FAT4: variants seen among roughly 807,000 people sequenced by gnomAD.
FAT4 encodes the protein FAT atypical cadherin 4, also known as protocadherin Fat 4.
In FAT4, 84 loss-of-function variants were observed where a neutral mutation model predicts 303.9. The observed-to-expected ratio is 0.28, with a 90% CI of 0.23 to 0.33. The LOEUF (loss-of-function observed/expected upper bound fraction) is 0.33, where lower values mean the gene tolerates loss of function less well. Among genes scored for constraint, FAT4 ranks in the 10% least tolerant of loss-of-function variants. The pLI is 1.00. For synonymous variants in FAT4, 2,307 were observed against 2,298.8 expected (o/e 1.00, Z -0.10); for missense variants, 6,005 against 6,146.8 (o/e 0.98, Z 0.77).
Position 125,448,785 on chromosome 4 carries a change from C to A in FAT4, c.7775C>A (p.Thr2592Lys). 4 of 1,611,388 alleles carry A rather than the reference C, an allele frequency of 2.5e-6. No homozygotes were observed. Among genetic ancestry groups the A allele is most frequent in the Non-Finnish European group, 3.4e-6 (4 of 1,179,850 alleles). The part of the protein sequence containing the change: ...QPVSSLVTTI[T>K]GSSLRGEPMS... Reference sequence around the variant, plus strand: ...GTCAGCTCTCTTGTCACCACCATCACAGGATCCTCTTTAAGAGGAGAACCT... The same window carrying A: ...GTCAGCTCTCTTGTCACCACCATCAAAGGATCCTCTTTAAGAGGAGAACCT... Residue 2592 changes from threonine (T) to lysine (K), a missense_variant, in exon 10 of 18, where the codon ACA (threonine) becomes AAA (lysine). By Grantham distance (78) the Thr-to-Lys change is moderately conservative. Coordinates refer to ENST00000394329, the MANE Select transcript of FAT4 (RefSeq NM_001291303.3).
intron 17 of FAT4, among the ~76,000 whole-genome samples, chr4:125,487,928 T>C (rs140798873): frequency 6.9e-4 from 105 of 152,360 alleles, no homozygotes; most frequent in Non-Finnish European, 1.3e-3. Context: ...GCATTTCATA[T>C]ACATTTGTTC....
chr4:125,331,115 T>C (rs4833322), intron 2 of FAT4, among the ~76,000 whole-genome samples: 76,510 of 151,676 alleles, frequency 0.5, 20,068 homozygotes, highest in Non-Finnish European at 0.59. Context: ...TTCTGCTTTT[T>C]TCTTATCATC....
chr4:125,345,970 CT>C (rs910874504), intron 2 of FAT4, among the ~76,000 whole-genome samples: 6 of 151,118 alleles, frequency 4.0e-5, no homozygotes, highest in East Asian at 1.9e-4. Context: ...TCCTCCCCCT[CT>C]TTTTTTTTAT....
At position 125,315,625 on chromosome 4, in the gene FAT4, C is replaced by G. The variant is rs888093342; in HGVS notation, c.-365C>G. Among the ~76,000 whole-genome samples, 1 of 152,200 alleles carries G rather than the reference C, an allele frequency of 6.6e-6. No homozygotes were observed. The highest frequency in any genetic ancestry group is 6.5e-5 in the Admixed American group (1 of 15,294). ...GAGGAGCCCTGGCTGTTGTTTGTGC[C>G]GGACCACGGGCTTGAAGCCGCAACA... On this transcript the variant is annotated 5_prime_UTR_variant, in exon 1 of 18. Coordinates refer to ENST00000394329, the MANE Select transcript of FAT4 (RefSeq NM_001291303.3).
At chr4:125,380,283 G>A (rs1367457054) in intron 2 of FAT4, among the ~76,000 whole-genome samples, 1 of 152,178 alleles carries the variant, frequency 6.6e-6, no homozygotes, top group Admixed American at 6.5e-5. Context: ...TGGGAAAATG[G>A]TTGAATCAAT....
chr4:125,319,532 G>A lies in FAT4; in HGVS notation c.3121G>A (p.Gly1041Arg). Reference sequence around the variant, plus strand: ...ATACACCATTGCTGAAGGAAATACAGGGGATGCTTTTGGCATATTCCCAGA... The same window carrying A: ...ATACACCATTGCTGAAGGAAATACAAGGGATGCTTTTGGCATATTCCCAGA... ...IAYTIAEGNT[G>R]DAFGIFPDGQ... Residue 1041 changes from glycine (G) to arginine (R), a missense_variant, in exon 2 of 18, where the codon GGG (glycine) becomes AGG (arginine). Physicochemically the swap from Gly to Arg is moderately radical, Grantham distance 125 (BLOSUM62 -2). Coordinates refer to ENST00000394329, the MANE Select transcript of FAT4 (RefSeq NM_001291303.3). 1 of 1,614,154 alleles carries A rather than the reference G, an allele frequency of 6.2e-7. No individual in the cohort carries two copies. The highest frequency in any genetic ancestry group is 8.5e-7 in the Non-Finnish European group (1 of 1,180,006).
In FAT4 at chr4:125,491,055, T is replaced by C; in HGVS notation, c.14239T>C (p.Tyr4747His). 1 of 1,614,216 alleles carries C rather than the reference T, an allele frequency of 6.2e-7. No homozygotes were observed. The highest frequency in any genetic ancestry group is 8.5e-7 in the Non-Finnish European group (1 of 1,180,036). The change falls in exon 18 of 18, where the codon TAT becomes CAT. Residue 4747 changes from tyrosine to histidine, a missense_variant. By Grantham distance (83) the Tyr-to-His change is moderately conservative. Transcript: ENST00000394329. ...CACCTGCCAACCTGGCATTTTCAAC[T>C]ATGCCACAAGGCTGGGAAGGAGAAG... ...GDTCQPGIFN[Y>H]ATRLGRRSKS...
intron 12 of FAT4, among the ~76,000 whole-genome samples, chr4:125,469,611 G>A (rs1044683673): frequency 5.9e-5 from 9 of 152,050 alleles, no homozygotes; most frequent in African/African-American, 1.2e-4. Context: ...TTAATAAACC[G>A]CTTCCTTTGT....
At chr4:125,382,531 T>TTTA (rs1733580272) in intron 2 of FAT4, among the ~76,000 whole-genome samples, 2 of 152,196 alleles carry the variant, frequency 1.3e-5, no homozygotes, top group Non-Finnish European at 2.9e-5. Flanking sequence ...ACATTTGCTG[T>TTTA]CATCCAGGGT....
At chr4:125,354,149 T>C (rs1249228770) in intron 2 of FAT4, among the ~76,000 whole-genome samples, 2 of 151,766 alleles carry the variant, frequency 1.3e-5, no homozygotes, top group Non-Finnish European at 3.0e-5. Flanking sequence ...TGTAAACTGC[T>C]ATTACTAAGA....
At chr4:125,420,484 T>A (rs1186511276) in intron 7 of FAT4, among the ~76,000 whole-genome samples, 2 of 152,206 alleles carry the variant, frequency 1.3e-5, no homozygotes, top group African/African-American at 4.8e-5. Context: ...TAGTTTATTG[T>A]TATATATTCA....
At position 125,452,684 on chromosome 4, in the gene FAT4, G is replaced by T. The variant is rs1726139252; in HGVS notation, c.11674G>T (p.Asp3892Tyr). The T allele has an allele frequency of 6.2e-7, 1 of 1,614,024 alleles. No homozygotes were observed. Among genetic ancestry groups the T allele is most frequent in the African/African-American group, 1.3e-5 (1 of 74,920 alleles). ...GGGAGGATTTTCATGCAGCTGCCCA[G>T]ATGGCTTCACTGGTAGGGCGTGTGA... ...LVGGFSCSCP[D>Y]GFTGRACERD... is the part of the protein sequence containing the mutation. Residue 3892 changes from aspartate to tyrosine, a missense_variant, in exon 10 of 18, where the codon GAT (aspartate) becomes TAT (tyrosine). By Grantham distance (160) the Asp-to-Tyr change is radical. Transcript: ENST00000394329.
intron 2 of FAT4, among the ~76,000 whole-genome samples, chr4:125,396,352 A>AT (rs1399128677): frequency 6.6e-6 from 1 of 152,162 alleles, no homozygotes; most frequent in East Asian, 1.9e-4. Context: ...TAAAACTATT[A>AT]AAATATAGAA....
chr4:125,401,398 G>A (rs1169225479), intron 3 of FAT4, among the ~76,000 whole-genome samples: 2 of 151,234 alleles, frequency 1.3e-5, no homozygotes, highest in Admixed American at 1.3e-4. Context: ...CCAAATTTTG[G>A]GGAAAATATT....
At chr4:125,345,399 T>C (rs2125972538) in intron 2 of FAT4, among the ~76,000 whole-genome samples, 1 of 152,002 alleles carries the variant, frequency 6.6e-6, no homozygotes, top group Non-Finnish European at 1.5e-5. Context: ...CCTTGTTAAC[T>C]TTTGCTGAAG....
intron 17 of FAT4, among the ~76,000 whole-genome samples, chr4:125,488,907 A>T (rs2126094901): frequency 6.6e-6 from 1 of 152,302 alleles, no homozygotes; most frequent in Non-Finnish European, 1.5e-5. Context: ...GGTTATGTAG[A>T]GGAGAATAAG....
At chr4:125,457,778 A>G (rs1014744247) in intron 10 of FAT4, among the ~76,000 whole-genome samples, 1 of 152,092 alleles carries the variant, frequency 6.6e-6, no homozygotes, top group Non-Finnish European at 1.5e-5. Context: ...ATCAGTTGTC[A>G]GTATGCCTCA....
chr4:125,318,869 A>T lies in FAT4; in HGVS notation c.2458A>T (p.Met820Leu). Residue 820 changes from methionine (M) to leucine (L), a missense_variant, in exon 2 of 18, where the codon ATG becomes TTG. Coordinates refer to ENST00000394329, the MANE Select transcript of FAT4 (RefSeq NM_001291303.3). Reference sequence around the variant, plus strand: ...TGTGGGTAGTGTGTCTGCATCCACCATGGATCTCAATTCCAACATCAGTTA... The same window carrying T: ...TGTGGGTAGTGTGTCTGCATCCACCTTGGATCTCAATTCCAACATCAGTTA... ...YHVGSVSAST[M>L]DLNSNISYLI... 1 of 1,614,188 alleles carries T rather than the reference A, an allele frequency of 6.2e-7. No homozygotes were observed. The highest frequency in any genetic ancestry group is 8.5e-7 in the Non-Finnish European group (1 of 1,180,034).
chr4:125,335,215 C>G (rs920080501), intron 2 of FAT4, among the ~76,000 whole-genome samples: 2 of 152,104 alleles, frequency 1.3e-5, no homozygotes, highest in Non-Finnish European at 2.9e-5. Context: ...TTCTTCTCAG[C>G]AGTTTTCTCT....
Sources: allele counts gnomAD v4.1 joint callset (sites outside exome capture counted in the v4.1 genomes callset), GRCh38; gene constraint gnomAD v4.1.1; transcripts MANE v1.5; gene names NCBI Gene and HGNC (gene_info 2026-07-23, HGNC 2026-07-21).